HPSE2: variants seen among roughly 807,000 people sequenced by gnomAD.
HPSE2 encodes the protein heparanase 2 (inactive), also known as inactive heparanase-2.
HPSE2 carries 38 observed loss-of-function variants against 60.5 expected under a neutral mutation model. The observed-to-expected ratio is 0.63, with a 90% confidence interval of 0.48 to 0.82. The LOEUF is 0.82. Ranked by LOEUF, HPSE2 falls within the 40% of genes least tolerant of loss-of-function variation. HPSE2 has a pLI of 0.00. For synonymous variants in HPSE2, 295 were observed against 293.2 expected (o/e 1.01, Z -0.06); for missense variants, 713 against 740.4 (o/e 0.96, Z 0.43).
chr10:98,990,300 G>A (rs1956491671), intron 3 of HPSE2, among the ~76,000 whole-genome samples: 1 of 152,200 alleles, frequency 6.6e-6, no homozygotes, highest in African/African-American at 2.4e-5. Flanking sequence ...TAGCACCACT[G>A]CCTCAGCTCC....
At chr10:99,131,846 TC>T (rs1295500799) in intron 3 of HPSE2, among the ~76,000 whole-genome samples, 6 of 152,034 alleles carry the variant, frequency 3.9e-5, no homozygotes, top group Non-Finnish European at 7.4e-5. Flanking sequence ...GTACAGTGGC[TC>T]ATGTCTGTAT....
chr10:99,074,236 C>A (rs779257864), intron 3 of HPSE2, among the ~76,000 whole-genome samples: 11 of 152,020 alleles, frequency 7.2e-5, no homozygotes, highest in Non-Finnish European at 1.0e-4. Context: ...CTTCTTTTCC[C>A]AGTTAATATA....
intron 2 of HPSE2, among the ~76,000 whole-genome samples, chr10:99,208,517 T>C (rs1661861288): frequency 1.3e-5 from 2 of 151,990 alleles, no homozygotes; most frequent in African/African-American, 4.8e-5. Context: ...AAACCCCATC[T>C]CTGCAAAAAA....
chr10:98,737,649 G>C (rs1250805720), intron 4 of HPSE2, among the ~76,000 whole-genome samples: 1 of 152,134 alleles, frequency 6.6e-6, no homozygotes, highest in Admixed American at 6.6e-5. Context: ...AAATCAGAGT[G>C]CAAAAATCAC....
At chr10:99,092,228 C>T (rs1330289398) in intron 3 of HPSE2, among the ~76,000 whole-genome samples, 1 of 152,118 alleles carries the variant, frequency 6.6e-6, no homozygotes, top group African/African-American at 2.4e-5. Context: ...CTCTTCCCAC[C>T]ACACAACATC....
At chr10:98,811,496 T>C (rs1031588295) in intron 3 of HPSE2, among the ~76,000 whole-genome samples, 1 of 152,112 alleles carries the variant, frequency 6.6e-6, no homozygotes, top group South Asian at 2.1e-4. Context: ...AGGATAGAAC[T>C]CTCAGTATGT....
intron 1 of HPSE2, among the ~76,000 whole-genome samples, chr10:99,233,709 A>T (rs964522641): frequency 6.6e-6 from 1 of 152,184 alleles, no homozygotes; most frequent in Admixed American, 6.5e-5. Context: ...TTTTGAGAAG[A>T]GACGTGGCTA....
At chr10:98,993,804 T>C (rs1253948426) in intron 3 of HPSE2, among the ~76,000 whole-genome samples, 1 of 152,202 alleles carries the variant, frequency 6.6e-6, no homozygotes, top group Non-Finnish European at 1.5e-5. Flanking sequence ...TCACACTTCC[T>C]CCTCACTCTA....
At chr10:99,096,727 G>A (rs999688174) in intron 3 of HPSE2, among the ~76,000 whole-genome samples, 3 of 151,964 alleles carry the variant, frequency 2.0e-5, no homozygotes, top group African/African-American at 4.8e-5. Context: ...CCACAGCGGG[G>A]GAAAAGCATC....
chr10:99,182,792 C>T (rs914411838), intron 2 of HPSE2, among the ~76,000 whole-genome samples: 3 of 151,872 alleles, frequency 2.0e-5, no homozygotes, highest in Non-Finnish European at 2.9e-5. Context: ...GTCAGGAGAT[C>T]GAGACCATCC....
intron 1 of HPSE2, among the ~76,000 whole-genome samples, chr10:99,232,737 G>T (rs1269766481): frequency 6.6e-6 from 1 of 152,222 alleles, no homozygotes; most frequent in Non-Finnish European, 1.5e-5. Context: ...CGCCCGCAGC[G>T]GCCCCCTCCC....
intron 3 of HPSE2, among the ~76,000 whole-genome samples, chr10:98,951,478 CAAAA>C (rs533356583): frequency 6.6e-6 from 1 of 151,812 alleles, no homozygotes; most frequent in Admixed American, 6.6e-5. Flanking sequence ...AGGGAAGTGA[CAAAA>C]AAATAATACA....
intron 6 of HPSE2, among the ~76,000 whole-genome samples, chr10:98,674,040 C>A (rs1947573960): frequency 6.6e-6 from 1 of 152,204 alleles, no homozygotes; most frequent in Non-Finnish European, 1.5e-5. Context: ...TAGAAACTCC[C>A]AGGTCATGCG....
At chr10:98,870,369 C>T (rs914273521) in intron 3 of HPSE2, among the ~76,000 whole-genome samples, 2 of 152,096 alleles carry the variant, frequency 1.3e-5, no homozygotes, top group African/African-American at 4.8e-5. Context: ...AGGCTAAAGC[C>T]ACAGTGTCTT....
intron 3 of HPSE2, among the ~76,000 whole-genome samples, chr10:98,860,470 G>A (rs575730687): frequency 6.6e-6 from 1 of 152,306 alleles, no homozygotes; most frequent in South Asian, 2.1e-4. Context: ...ATATTTATGA[G>A]TTAAGAAAAT....
At chr10:98,767,872 T>A (rs113792113) in intron 3 of HPSE2, among the ~76,000 whole-genome samples, 4,414 of 147,180 alleles carry the variant, frequency 0.03, 144 homozygotes, top group East Asian at 0.12. Context: ...ATGTTCTATA[T>A]AAACATTTAT....
In HPSE2 at chr10:98,936,049, G is replaced by GCA. The variant is rs377671476; in HGVS notation, c.611-191995_611-191994dup. ...GTAGTCTGGCCACAGCCACTTTACT[G>GCA]CACTGTGGAGAATTCTGCCCAGTCC... On this transcript the variant is annotated intron_variant, in intron 3 of 11. Coordinates refer to ENST00000370552, the MANE Select transcript of HPSE2 (RefSeq NM_021828.5). 3.7e-4 allele frequency among the ~76,000 whole-genome samples: 54 copies of GCA among 144,514 alleles called. 10 individuals are homozygous for GCA. Among genetic ancestry groups the GCA allele is most frequent in the African/African-American group, 1.4e-3 (49 of 35,832 alleles). The allele number at this position is 144,514 out of a possible 152,430, so 94.8% of individuals were successfully genotyped here. A position where few individuals can be genotyped will look rare whatever the true frequency, so the allele number is the denominator to read the frequency against.
At chr10:99,282,756 C>G in the HPSE2 span, among the ~76,000 whole-genome samples, 1 of 152,040 alleles carries the variant, frequency 6.6e-6, no homozygotes, top group South Asian at 2.1e-4. Context: ...CTTAAACAAA[C>G]AATCAGATCA....
At chr10:98,504,477 C>T (rs781282891) in intron 9 of HPSE2, among the ~76,000 whole-genome samples, 2 of 152,038 alleles carry the variant, frequency 1.3e-5, no homozygotes, top group Non-Finnish European at 2.9e-5. Flanking sequence ...TGAGAACCTA[C>T]CATCCACTGT....
Sources: allele counts gnomAD v4.1 joint callset (sites outside exome capture counted in the v4.1 genomes callset), GRCh38; gene constraint gnomAD v4.1.1; transcripts MANE v1.5; gene names NCBI Gene and HGNC (gene_info 2026-07-23, HGNC 2026-07-21).